MAP3K2: variants seen among roughly 807,000 people sequenced by gnomAD.
MAP3K2 encodes the protein mitogen-activated protein kinase kinase kinase 2, also known as MAP/ERK kinase kinase 2.
Under a neutral mutation model 80.3 loss-of-function variants are expected in MAP3K2, and 24 were observed. The observed-to-expected ratio is 0.30, with a 90% CI of 0.22 to 0.42. The LOEUF (loss-of-function observed/expected upper bound fraction) is 0.42, where lower values mean the gene tolerates loss of function less well. Among genes scored for constraint, MAP3K2 ranks in the 10% least tolerant of loss-of-function variants. The pLI, the probability that MAP3K2 is intolerant of heterozygous loss-of-function variation, is 1.00. For synonymous variants in MAP3K2, 244 were observed against 253.7 expected (o/e 0.96, Z 0.36); for missense variants, 608 against 750.1 (o/e 0.81, Z 2.21).
At chr2:127,338,805 G>A in intron 3 of MAP3K2, 127 bp downstream of exon 3, 1 of 654,122 alleles carries the variant, frequency 1.5e-6, no homozygotes, top group Non-Finnish European at 2.6e-6. Context: ...ACACGAAAAT[G>A]TGTAACAAAC....
chr2:127,375,904 A>C (rs1210822813), intron 1 of MAP3K2, among the ~76,000 whole-genome samples: 1 of 151,696 alleles, frequency 6.6e-6, no homozygotes, highest in Non-Finnish European at 1.5e-5. Flanking sequence ...TCACTCCTTG[A>C]TTGGAAAAAA....
intron 9 of MAP3K2, among the ~76,000 whole-genome samples, chr2:127,324,659 G>A (rs112377976): frequency 3.4e-4 from 51 of 152,102 alleles, no homozygotes; most frequent in Non-Finnish European, 5.7e-4. Context: ...TAGCTTTCTC[G>A]TTACTACTTC....
intron 1 of MAP3K2, among the ~76,000 whole-genome samples, chr2:127,381,407 T>C (rs1001993142): frequency 2.6e-5 from 4 of 152,188 alleles, no homozygotes; most frequent in Non-Finnish European, 5.9e-5. Context: ...TCAAGCCAGG[T>C]TTCTTATAAA....
At chr2:127,324,282 G>A (rs779768302) in intron 9 of MAP3K2, 41 bp from the exon 10 acceptor site, 13 of 1,201,156 alleles carry the variant, frequency 1.1e-5, no homozygotes, top group South Asian at 5.7e-5. Flanking sequence ...CAGAAAGAAC[G>A]TAAGACATTA....
At chr2:127,349,471 C>G (rs1455065912) in intron 1 of MAP3K2, among the ~76,000 whole-genome samples, 1 of 152,096 alleles carries the variant, frequency 6.6e-6, no homozygotes, top group African/African-American at 2.4e-5. Context: ...CGAGAAAGTG[C>G]TCCCTTCATC....
intron 1 of MAP3K2, among the ~76,000 whole-genome samples, chr2:127,359,694 C>T (rs900259603): frequency 1.3e-5 from 2 of 152,132 alleles, no homozygotes; most frequent in African/African-American, 4.8e-5. Context: ...AGCACCATCC[C>T]TCTAGTGCTG....
rs1341901292 is a variant in MAP3K2 at position 127,341,530 on chromosome 2, G to GTTT, written c.4+1593_4+1595dup. 1.8e-3 allele frequency among the ~76,000 whole-genome samples: 166 copies of GTTT among 91,114 alleles called. 2 individuals are homozygous for GTTT. The highest frequency in any genetic ancestry group is 7.9e-3 in the Middle Eastern group (1 of 126). 59.8% of individuals were successfully genotyped at this position (91,114 alleles called of 152,430 possible). On this transcript the variant is annotated intron_variant, in intron 2 of 16. Coordinates refer to ENST00000682094, the MANE Select transcript of MAP3K2 (RefSeq NM_001371910.2). ...TAAGTACAATGGGTTTTTTTTTGTT[G>GTTT]TTTTTTTTTTTTTTTTTTTTGAGAC...
At chr2:127,326,649 T>A in intron 8 of MAP3K2, 38 bp downstream of exon 8, 1 of 1,462,782 alleles carries the variant, frequency 6.8e-7, no homozygotes, top group Non-Finnish European at 9.1e-7. Flanking sequence ...TGACAACATC[T>A]CTTTAAATTA....
intron 14 of MAP3K2, 74 bp downstream of exon 14, chr2:127,317,555 G>A (rs535981761): frequency 1.2e-5 from 16 of 1,280,134 alleles, no homozygotes; most frequent in East Asian, 2.6e-5. Context: ...TATAATCTAC[G>A]TTTTTGTTGT....
intron 11 of MAP3K2, among the ~76,000 whole-genome samples, chr2:127,323,209 C>G (rs748852408): frequency 6.6e-6 from 1 of 151,736 alleles, no homozygotes; most frequent in Non-Finnish European, 1.5e-5. Flanking sequence ...TTGAGACCAG[C>G]CTGGCCAACA....
intron 1 of MAP3K2, among the ~76,000 whole-genome samples, chr2:127,353,045 G>A (rs1305720184): frequency 2.0e-5 from 3 of 152,078 alleles, no homozygotes; most frequent in East Asian, 1.9e-4. Flanking sequence ...ATCTCGGCTG[G>A]CTACAACCTC....
chr2:127,314,966 G>GC, intron 14 of MAP3K2, 83 bp from the exon 15 acceptor site: 1 of 968,150 alleles, frequency 1.0e-6, no homozygotes, highest in Admixed American at 2.7e-5. Flanking sequence ...CAGTAAAGAG[G>GC]GCAGGAATTC....
At position 127,324,540 on chromosome 2, in the gene MAP3K2, T is replaced by C. The variant is rs988629886; in HGVS notation, c.678-299A>G. Among the ~76,000 whole-genome samples the C allele has an allele frequency of 4.0e-4, 61 of 152,210 alleles. 1 individual carries two copies. Among genetic ancestry groups the C allele is most frequent in the African/African-American group, 1.4e-3 (58 of 41,454 alleles). Reference sequence around the variant, plus strand: ...GCTCTGCCACTTAACTATGTAACCTTGGCAAATCACCCTTCTGCATCAACA... The same window carrying C: ...GCTCTGCCACTTAACTATGTAACCTCGGCAAATCACCCTTCTGCATCAACA... On this transcript the variant is annotated intron_variant, in intron 9 of 16. Transcript: ENST00000682094.
At chr2:127,372,867 T>C (rs1687089787) in intron 1 of MAP3K2, among the ~76,000 whole-genome samples, 1 of 152,226 alleles carries the variant, frequency 6.6e-6, no homozygotes, top group Non-Finnish European at 1.5e-5. Flanking sequence ...ATTTTCGTCA[T>C]TCCCAAAAGG....
intron 4 of MAP3K2, among the ~76,000 whole-genome samples, chr2:127,336,845 G>T (rs952146402): frequency 6.6e-5 from 10 of 152,184 alleles, no homozygotes; most frequent in African/African-American, 2.4e-4. Flanking sequence ...TAGCAGAAAT[G>T]AAATTCTATC....
At chr2:127,388,374 C>T (rs1558995371), upstream of MAP3K2, 1 of 985,332 alleles carries the variant, frequency 1.0e-6, no homozygotes, top group African/African-American at 1.7e-5. Flanking sequence ...CAGTGACGGA[C>T]TGTGTGGCAG....
At chr2:127,369,481 A>C (rs1047785785) in intron 1 of MAP3K2, among the ~76,000 whole-genome samples, 6 of 148,072 alleles carry the variant, frequency 4.1e-5, no homozygotes, top group African/African-American at 7.3e-5. Flanking sequence ...AAAAAAAAAA[A>C]AAAAAAAAAA....
At position 127,346,409 on chromosome 2, in the gene MAP3K2, T is replaced by TAAAA. The variant is rs1223353072; in HGVS notation, c.-65-3216_-65-3215insTTTT. On this transcript the variant is annotated intron_variant, in intron 1 of 16. Coordinates refer to ENST00000682094, the MANE Select transcript of MAP3K2 (RefSeq NM_001371910.2). ...TTTACAGAATTTACAAAAACTGGTT[T>TAAAA]TAAAAAAAAAAAAAAAAAAAAAAGA... Among the ~76,000 whole-genome samples the TAAAA allele has an allele frequency of 4.3e-4, 37 of 85,346 alleles. 2 individuals are homozygous for TAAAA. The highest frequency in any genetic ancestry group is 6.6e-4 in the African/African-American group (16 of 24,398). 56.0% of individuals were successfully genotyped at this position (85,346 alleles called of 152,430 possible). A position where few individuals can be genotyped will look rare whatever the true frequency, so the allele number is the denominator to read the frequency against.
At position 127,303,166 on chromosome 2, in the gene MAP3K2, C is replaced by G. The variant is rs551525808; in HGVS notation, c.*4413G>C. 1.4e-4 allele frequency: 21 copies of G among 152,026 alleles called. No homozygotes were observed. The highest frequency in any genetic ancestry group is 4.1e-4 in the African/African-American group (17 of 41,510). 9.4% of individuals were successfully genotyped at this position (152,026 alleles called of 1,614,324 possible). ...AAATATGAACATTACATTTGTAAAA[C>G]AAAGGCCAAACTTAGTAATAAAACA... On this transcript the variant is annotated 3_prime_UTR_variant, in exon 17 of 17. Coordinates refer to ENST00000682094, the MANE Select transcript of MAP3K2 (RefSeq NM_001371910.2).
Sources: allele counts gnomAD v4.1 joint callset (sites outside exome capture counted in the v4.1 genomes callset), GRCh38; gene constraint gnomAD v4.1.1; transcripts MANE v1.5; gene names NCBI Gene and HGNC (gene_info 2026-07-23, HGNC 2026-07-21).